Variants in MRRF observed in about 807,000 individuals in gnomAD.
The protein encoded by MRRF is ribosome-recycling factor, mitochondrial.
In MRRF, 18 loss-of-function variants were observed where a neutral mutation model predicts 25.1. The ratio of observed to expected loss-of-function variants is 0.72; its 90% confidence interval spans 0.50 to 1.06. The LOEUF is 1.06. MRRF is among the 50% of genes least tolerant of loss of function. The probability of loss-of-function intolerance (pLI) is 0.00; values close to 1 mark genes in which losing one functional copy is unlikely to be tolerated. For synonymous variants in MRRF, 113 were observed against 112.1 expected (o/e 1.01, Z -0.05); for missense variants, 323 against 319.3 (o/e 1.01, Z -0.09).
Position 122,329,762 on chromosome 9 carries a change from G to A in MRRF, c.*7145G>A, listed in dbSNP as rs1836235214. The A allele has an allele frequency of 6.6e-6, 1 of 152,392 alleles. No individual in the cohort carries two copies. The highest frequency in any genetic ancestry group is 1.5e-5 in the Non-Finnish European group (1 of 68,104). 9.4% of individuals were successfully genotyped at this position (152,392 alleles called of 1,614,324 possible). A position where few individuals can be genotyped will look rare whatever the true frequency, so the allele number is the denominator to read the frequency against. On this transcript the variant is annotated 3_prime_UTR_variant, in exon 7 of 7. Transcript: ENST00000344641. ...AATGTTCCAGGCTGGCCTCACCCGG[G>A]TCTCTAGACACTTGGCTCAGAGGCA... is the stretch of plus-strand genomic sequence containing the variant.
intron 4 of MRRF, among the ~76,000 whole-genome samples, chr9:122,289,595 CTGTT>C (rs1429361354): frequency 2.7e-5 from 4 of 150,074 alleles, no homozygotes; most frequent in Admixed American, 6.6e-5. Context: ...ACTTTAGAAT[CTGTT>C]TTTTTTTTTT....
intron 5 of MRRF, among the ~76,000 whole-genome samples, chr9:122,295,709 G>A (rs1180155315): frequency 2.0e-5 from 3 of 152,138 alleles, no homozygotes; most frequent in Non-Finnish European, 4.4e-5. Flanking sequence ...GCCACCCAAA[G>A]TGCTGGGATT....
chr9:122,303,995 C>T (rs1235186166), intron 5 of MRRF, among the ~76,000 whole-genome samples: 3 of 151,210 alleles, frequency 2.0e-5, no homozygotes, highest in Admixed American at 2.0e-4. Flanking sequence ...TTCTACATCA[C>T]ACACACACAC....
At chr9:122,308,758 A>G (rs1835025439) in intron 5 of MRRF, among the ~76,000 whole-genome samples, 1 of 151,250 alleles carries the variant, frequency 6.6e-6, no homozygotes, top group Admixed American at 6.6e-5. Context: ...GCTAAAGTAC[A>G]GTGGCATAAT....
In MRRF at chr9:122,330,780, T is replaced by C. The variant is rs1198789667; in HGVS notation, c.*8163T>C. The C allele has an allele frequency of 6.6e-6, 1 of 152,018 alleles. No individual in the cohort carries two copies. Among genetic ancestry groups the C allele is most frequent in the East Asian group, 1.9e-4 (1 of 5,176 alleles). The allele number at this position is 152,018 out of a possible 1,614,324, so 9.4% of individuals were successfully genotyped here. ...CCCCATCTCTACTAAAAATAAAAAA[T>C]TTAGCCAGGTGTGGTGGCGGGCGCC... On this transcript the variant is annotated 3_prime_UTR_variant, in exon 7 of 7. Transcript: ENST00000344641. This position sits in a 1 kb window ranked among gnomAD's most constrained non-coding sequence, Gnocchi z 4.2.
intron 5 of MRRF, among the ~76,000 whole-genome samples, chr9:122,308,497 G>A (rs996810668): frequency 6.7e-6 from 1 of 150,184 alleles, no homozygotes; most frequent in Non-Finnish European, 1.5e-5. Context: ...TCAGGAGTTC[G>A]TGACCAGCCT....
chr9:122,320,964 TC>T (rs1311969775), intron 6 of MRRF, among the ~76,000 whole-genome samples: 1 of 152,226 alleles, frequency 6.6e-6, no homozygotes, highest in African/African-American at 2.4e-5. Context: ...TTGTGTTTTT[TC>T]ATTCTTGGAG....
chr9:122,267,495 T>C (rs1362130127), intron 1 of MRRF, among the ~76,000 whole-genome samples: 1 of 152,206 alleles, frequency 6.6e-6, no homozygotes, highest in African/African-American at 2.4e-5. Flanking sequence ...GTTAAGTGAC[T>C]AGGTCTCACT....
chr9:122,298,587 C>A (rs185741570), intron 5 of MRRF, among the ~76,000 whole-genome samples: 1 of 152,288 alleles, frequency 6.6e-6, no homozygotes, highest in African/African-American at 2.4e-5. Flanking sequence ...CACTTGTCTG[C>A]TTTTATGAGG....
At chr9:122,321,373 G>A (rs1204057571) in intron 6 of MRRF, among the ~76,000 whole-genome samples, 1 of 152,052 alleles carries the variant, frequency 6.6e-6, no homozygotes, top group East Asian at 1.9e-4. Flanking sequence ...CATTTTTAAT[G>A]ACTATATGTA....
chr9:122,267,480 G>A (rs1456974180), intron 1 of MRRF, among the ~76,000 whole-genome samples: 6 of 152,060 alleles, frequency 3.9e-5, no homozygotes, highest in Non-Finnish European at 8.8e-5. Context: ...GTGTGTATGT[G>A]TTTTGTTAAG....
chr9:122,275,800 A>G (rs1832735473), intron 2 of MRRF, among the ~76,000 whole-genome samples: 1 of 152,168 alleles, frequency 6.6e-6, no homozygotes, highest in Non-Finnish European at 1.5e-5. Flanking sequence ...GCCACTTTAT[A>G]CACAAACACA....
chr9:122,281,341 T>TA (rs1317548201), intron 3 of MRRF, among the ~76,000 whole-genome samples: 1 of 152,244 alleles, frequency 6.6e-6, no homozygotes, highest in Non-Finnish European at 1.5e-5. Flanking sequence ...ACCCCTCTCT[T>TA]AAGGTACCTG....
intron 3 of MRRF, among the ~76,000 whole-genome samples, chr9:122,283,229 G>GATT (rs1833188471): frequency 6.6e-6 from 1 of 151,910 alleles, no homozygotes; most frequent in African/African-American, 2.4e-5. Flanking sequence ...AACTAGCTGG[G>GATT]ATTATAGGTG....
intron 3 of MRRF, among the ~76,000 whole-genome samples, chr9:122,284,163 G>A (rs937836852): frequency 2.6e-5 from 4 of 152,218 alleles, no homozygotes; most frequent in South Asian, 4.1e-4. Flanking sequence ...TGCAGAATCA[G>A]GATCTCTCCA....
chr9:122,300,700 C>T (rs1455397463), intron 5 of MRRF, among the ~76,000 whole-genome samples: 1 of 152,274 alleles, frequency 6.6e-6, no homozygotes, highest in East Asian at 1.9e-4. Context: ...CTTCCTGAAG[C>T]CCCATGTTCT....
intron 1 of MRRF, among the ~76,000 whole-genome samples, chr9:122,267,069 C>CAAAA (rs755642170): frequency 1.3e-5 from 1 of 77,506 alleles, no homozygotes; most frequent in Non-Finnish European, 2.6e-5. Context: ...GACTCCGTCT[C>CAAAA]AAAAAAAAAA....
chr9:122,267,587 C>T (rs1275396452), intron 1 of MRRF, among the ~76,000 whole-genome samples: 1 of 152,068 alleles, frequency 6.6e-6, no homozygotes, highest in African/African-American at 2.4e-5. Flanking sequence ...ACTATAGGCA[C>T]CCATCACTGT....
chr9:122,300,499 T>C (rs1035893845), intron 5 of MRRF, among the ~76,000 whole-genome samples: 2 of 152,234 alleles, frequency 1.3e-5, no homozygotes, highest in East Asian at 1.9e-4. Flanking sequence ...TGGCATATCA[T>C]AGGTACTTAA....
Sources: gnomAD v4.1 joint callset for allele counts (sites outside exome capture counted in the v4.1 genomes callset) on GRCh38, gnomAD v4.1.1 for gene constraint, Gnocchi (gnomAD v3.1) non-coding constraint, MANE v1.5 for transcripts, NCBI Gene and HGNC (gene_info 2026-07-23, HGNC 2026-07-21) for gene names.